Variants in PIAS2 observed in about 807,000 individuals in gnomAD.
The protein encoded by PIAS2 is E3 SUMO-protein ligase PIAS2.
PIAS2 carries 19 observed loss-of-function variants against 69.7 expected under a neutral mutation model. The ratio of observed to expected loss-of-function variants is 0.27; its 90% CI spans 0.19 to 0.40. The LOEUF is 0.40. PIAS2 is among the 10% of genes least tolerant of loss of function. The pLI, the probability that PIAS2 is intolerant of heterozygous loss-of-function variation, is 1.00. For synonymous variants in PIAS2, 261 were observed against 263.2 expected, an observed-to-expected ratio of 0.99 and a Z score of 0.08; for missense variants, 624 against 757.0, an observed-to-expected ratio of 0.82 and a Z score of 2.06.
At chr18:46,865,038 G>A (rs2049221227) in intron 2 of PIAS2, among the ~76,000 whole-genome samples, 1 of 152,006 alleles carries the variant, frequency 6.6e-6, no homozygotes, top group Non-Finnish European at 1.5e-5. Context: ...GCATATGAAA[G>A]TCTTCCCAGT....
intron 5 of PIAS2, among the ~76,000 whole-genome samples, chr18:46,850,331 T>C (rs2046779515): frequency 6.6e-6 from 1 of 152,146 alleles, no homozygotes; most frequent in South Asian, 2.1e-4. Flanking sequence ...CTTAGTTAGG[T>C]CTCTGAAGTC....
chr18:46,887,213 A>G (rs1049890364), intron 2 of PIAS2, among the ~76,000 whole-genome samples: 1 of 151,946 alleles, frequency 6.6e-6, no homozygotes, highest in Non-Finnish European at 1.5e-5. Context: ...ACTTGCTTGG[A>G]TCACCAGTTT....
chr18:46,825,434 T>A (rs1466787367), intron 11 of PIAS2, among the ~76,000 whole-genome samples: 2 of 152,206 alleles, frequency 1.3e-5, no homozygotes, highest in African/African-American at 4.8e-5. Context: ...AGAACAAACT[T>A]AATCCAGCTA....
intron 11 of PIAS2, 40 bp from the exon 12 acceptor site, chr18:46,821,112 G>A (rs2042124606): frequency 6.2e-7 from 1 of 1,608,136 alleles, no homozygotes; most frequent in Non-Finnish European, 8.5e-7. Flanking sequence ...CAATCTGGCT[G>A]TTAGTTCACA....
rs2045812107 is a variant in PIAS2, at chr18:46,844,081, A to G, written c.1014T>C (p.Thr338=). The change falls in exon 8 of 14, where the codon ACT becomes ACC. Residue 338 remains threonine, a synonymous_variant. Transcript: ENST00000585916. ...TADPDSEIAT[T]SLRVSLMCPL... ...GGCACATCAAGGATACCCGAAGGCT[A>G]GTTGTAGCAATTTCACTATCAGGAT... 4 of 1,540,338 alleles carry G rather than the reference A, an allele frequency of 2.6e-6. No homozygotes were observed. In the African/African-American group the frequency reaches 5.6e-5, roughly 21 times the overall value.
intron 8 of PIAS2, among the ~76,000 whole-genome samples, chr18:46,837,208 C>T (rs1406393683): frequency 6.6e-6 from 1 of 151,714 alleles, no homozygotes; most frequent in Non-Finnish European, 1.5e-5. Context: ...CAAAAAGTAC[C>T]TATTGGGTTA....
chr18:46,829,896 G>C (rs756295696), intron 9 of PIAS2, 29 bp from the exon 10 acceptor site: 4 of 1,591,222 alleles, frequency 2.5e-6, no homozygotes, highest in Non-Finnish European at 3.4e-6. Flanking sequence ...GTACATACAT[G>C]TGATCAACAG....
chr18:46,875,671 G>T (rs1258484948), intron 2 of PIAS2, among the ~76,000 whole-genome samples: 1 of 152,208 alleles, frequency 6.6e-6, no homozygotes, highest in Non-Finnish European at 1.5e-5. Flanking sequence ...CTGTGGAGGT[G>T]AAAGAATTAA....
At chr18:46,895,742 T>C (rs1424788546) in intron 1 of PIAS2, among the ~76,000 whole-genome samples, 1 of 151,966 alleles carries the variant, frequency 6.6e-6, no homozygotes, top group African/African-American at 2.4e-5. Context: ...ATTAACATAA[T>C]CCCTCAAAAA....
At chr18:46,818,398 A>T in intron 12 of PIAS2, 5 of 1,588,022 alleles carry the variant, frequency 3.1e-6, no homozygotes, top group Non-Finnish European at 4.3e-6. Context: ...CAGTATCAGA[A>T]GATGTTCCAA....
At chr18:46,880,012 G>T (rs975267305) in intron 2 of PIAS2, among the ~76,000 whole-genome samples, 1 of 151,240 alleles carries the variant, frequency 6.6e-6, no homozygotes, top group Non-Finnish European at 1.5e-5. Flanking sequence ...ATAGATGGCA[G>T]CGATGGTTCC....
At chr18:46,883,532 C>G (rs956589932) in intron 2 of PIAS2, among the ~76,000 whole-genome samples, 1 of 151,790 alleles carries the variant, frequency 6.6e-6, no homozygotes, top group East Asian at 1.9e-4. Context: ...GAGAGACCTC[C>G]TCTCCACAAA....
At chr18:46,893,505 G>C in intron 1 of PIAS2, 1 of 968,182 alleles carries the variant, frequency 1.0e-6, no homozygotes, top group African/African-American at 1.8e-5. Context: ...ATTTGGCAAA[G>C]GATGTTAATG....
At chr18:46,880,100 A>AG (rs1375486804) in intron 2 of PIAS2, among the ~76,000 whole-genome samples, 2 of 151,996 alleles carry the variant, frequency 1.3e-5, no homozygotes, top group Non-Finnish European at 2.9e-5. Flanking sequence ...AAAAAAAAAA[A>AG]AAAAAAAAAT....
intron 2 of PIAS2, among the ~76,000 whole-genome samples, chr18:46,879,124 ATC>A: frequency 6.6e-6 from 1 of 152,342 alleles, no homozygotes; most frequent in Admixed American, 6.5e-5. Flanking sequence ...CTACTGTATC[ATC>A]ACCAACTAAA....
Position 46,809,681 on chromosome 18 carries a change from G to A in PIAS2, c.*2752C>T, listed in dbSNP as rs2040878760. The A allele has an allele frequency of 6.6e-6, 1 of 151,006 alleles. No homozygotes were observed. The highest frequency in any genetic ancestry group is 1.5e-5 in the Non-Finnish European group (1 of 68,118). The allele number at this position is 151,006 out of a possible 1,614,324, so 9.4% of individuals were successfully genotyped here. ...GAGGCAGGAGAATCGCTTGAACCCT[G>A]TAGGTGGAGGTTGCGGTGAGCCAAG... is the stretch of plus-strand genomic sequence containing the variant. On this transcript the variant is annotated 3_prime_UTR_variant, in exon 14 of 14. Transcript: ENST00000585916.
rs759702637 is a variant in PIAS2, at chr18:46,806,133, C to T, written c.*6300G>A. 6.6e-6 allele frequency: 1 copy of T among 152,118 alleles called. No individual in the cohort carries two copies. The highest frequency in any genetic ancestry group is 1.5e-5 in the Non-Finnish European group (1 of 68,046). 9.4% of individuals were successfully genotyped at this position (152,118 alleles called of 1,614,324 possible). On this transcript the variant is annotated 3_prime_UTR_variant, in exon 14 of 14. Coordinates refer to ENST00000585916, the MANE Select transcript of PIAS2 (RefSeq NM_004671.5). ...TTTAAGTCTAGATTCCCATATCAGT[C>T]TCCTAGATAGCACAGCTAATTAACG...
At chr18:46,906,389 G>T (rs2056599010) in intron 1 of PIAS2, 1 of 151,444 alleles carries the variant, frequency 6.6e-6, no homozygotes, top group South Asian at 2.1e-4. Context: ...GAAACAAAGA[G>T]GTCATTATTC....
chr18:46,855,417 T>A lies in PIAS2; in HGVS notation c.654A>T (p.Thr218=). Residue 218 remains threonine (T), a synonymous_variant, in exon 5 of 14, where the codon ACA becomes ACT. Coordinates refer to ENST00000585916, the MANE Select transcript of PIAS2 (RefSeq NM_004671.5). The stretch of plus-strand genomic sequence containing the variant: ...GATAGTTATCTTCTTGAGGGCAACT[T>A]GTCTCTGCCAGGCAAAGTCTGCATT... The part of the protein sequence containing the change: ...QVQLRLCLAE[T]SCPQEDNYPN... The A allele has an allele frequency of 2.5e-6, 4 of 1,612,668 alleles. No homozygotes were observed. The highest frequency in any genetic ancestry group is 3.4e-6 in the Non-Finnish European group (4 of 1,179,066).
Sources: allele counts gnomAD v4.1 joint callset (sites outside exome capture counted in the v4.1 genomes callset), GRCh38; gene constraint gnomAD v4.1.1; transcripts MANE v1.5; gene names NCBI Gene and HGNC (gene_info 2026-07-23, HGNC 2026-07-21).